Variants in NOL4 observed in about 807,000 individuals in gnomAD.
NOL4 encodes the protein nucleolar protein 4, also known as cancer/testis antigen 125.
Under a neutral mutation model 75.9 loss-of-function variants are expected in NOL4, and 17 were observed. The ratio of observed to expected loss-of-function variants is 0.22; its 90% confidence interval spans 0.15 to 0.34. NOL4 has a LOEUF of 0.34. NOL4 is among the 10% of genes least tolerant of loss of function. NOL4 has a pLI of 1.00. For synonymous variants in NOL4, 292 were observed against 289.9 expected (o/e 1.01, Z -0.07); for missense variants, 614 against 793.5 (o/e 0.77, Z 2.72).
intron 1 of NOL4, among the ~76,000 whole-genome samples, chr18:34,166,116 C>G (rs1264702922): frequency 1.3e-5 from 2 of 151,988 alleles, no homozygotes; most frequent in Non-Finnish European, 2.9e-5. Flanking sequence ...TTACAAGAAA[C>G]TGTAATATTT....
chr18:34,190,474 A>C (rs2034833218), intron 1 of NOL4, among the ~76,000 whole-genome samples: 1 of 151,982 alleles, frequency 6.6e-6, no homozygotes, highest in South Asian at 2.1e-4. Context: ...ATATATTCAA[A>C]ATTTATATGA....
intron 1 of NOL4, among the ~76,000 whole-genome samples, chr18:34,180,952 A>G (rs1568425683): frequency 6.6e-6 from 1 of 151,502 alleles, no homozygotes; most frequent in African/African-American, 2.4e-5. Flanking sequence ...ATACTCCAAG[A>G]TTATAGGTTG....
intron 1 of NOL4, among the ~76,000 whole-genome samples, chr18:34,134,235 A>C (rs12958413): frequency 0.24 from 36,474 of 151,926 alleles, 5,152 homozygotes; most frequent in East Asian, 0.44. Context: ...TATAAAATTA[A>C]AATTTCTTTA....
chr18:34,070,910 T>C (rs2077485644), intron 5 of NOL4, among the ~76,000 whole-genome samples: 1 of 152,058 alleles, frequency 6.6e-6, no homozygotes, highest in African/African-American at 2.4e-5. Flanking sequence ...ATAAAATCAA[T>C]AACACAAAGA....
chr18:34,051,515 C>A lies in NOL4; in HGVS notation c.773-31914G>T, dbSNP rs923794527. ...TATCTTTGACTGTGAATAACAATAA[C>A]ATCTCCTTTAGTTTTATAAGAGAAT... On this transcript the variant is annotated intron_variant, in intron 5 of 10. Transcript: ENST00000261592. Among the ~76,000 whole-genome samples, 2 of 152,048 alleles carry A rather than the reference C, an allele frequency of 1.3e-5. 1 individual carries two copies. Among genetic ancestry groups the A allele is most frequent in the East Asian group, 3.8e-4 (2 of 5,198 alleles).
At position 33,957,740 on chromosome 18, in the gene NOL4, C is replaced by T. The variant is rs571327289; in HGVS notation, c.1237-223G>A. On this transcript the variant is annotated intron_variant, in intron 7 of 10. Transcript: ENST00000261592. ...AAAGAGAGAAAGGCAGACAGACAGA[C>T]AAACATACAGAAAAGAATAGACTAT... Among the ~76,000 whole-genome samples, 37 of 152,140 alleles carry T rather than the reference C, an allele frequency of 2.4e-4. No individual in the cohort carries two copies. In the South Asian group the frequency reaches 7.5e-3, roughly 31 times the overall value.
At chr18:34,107,760 A>G (rs2145710788) in intron 2 of NOL4, among the ~76,000 whole-genome samples, 1 of 152,174 alleles carries the variant, frequency 6.6e-6, no homozygotes, top group South Asian at 2.1e-4. Flanking sequence ...TGGAATTTTC[A>G]GGAGTCACCA....
chr18:34,115,446 A>G (rs12959030), intron 2 of NOL4, among the ~76,000 whole-genome samples: 34,116 of 151,690 alleles, frequency 0.22, 4,078 homozygotes, highest in Middle Eastern at 0.28. Flanking sequence ...CTACAGACAC[A>G]ATCTACCATG....
At chr18:34,074,512 G>C (rs1240335735) in intron 5 of NOL4, among the ~76,000 whole-genome samples, 2 of 151,678 alleles carry the variant, frequency 1.3e-5, no homozygotes, top group Non-Finnish European at 2.9e-5. Flanking sequence ...AGTTTTTATA[G>C]TATCCATTTT....
rs1341059123 is a variant in NOL4 at position 34,132,385 on chromosome 18, CCATAGGAGCATA to C, written c.265-2377_265-2366del. Among the ~76,000 whole-genome samples, 3 of 152,152 alleles carry C rather than the reference CCATAGGAGCATA, an allele frequency of 2.0e-5. No homozygotes were observed. The East Asian group carries it at 5.8e-4, about 29-fold the overall frequency. On this transcript the variant is annotated intron_variant, in intron 1 of 10. Transcript: ENST00000261592. ...TAGAGCACAGGAGATACAAATTGTG[CCATAGGAGCATA>C]CATTTGAAAAGTTTCACAAGCATTT...
chr18:34,191,914 T>G (rs1685595051), intron 1 of NOL4, among the ~76,000 whole-genome samples: 1 of 152,162 alleles, frequency 6.6e-6, no homozygotes, highest in African/African-American at 2.4e-5. Flanking sequence ...TTCCTCTACC[T>G]ACCAACCTAT....
chr18:34,159,248 G>A (rs1180011433), intron 1 of NOL4, among the ~76,000 whole-genome samples: 2 of 152,210 alleles, frequency 1.3e-5, no homozygotes, highest in South Asian at 2.1e-4. Flanking sequence ...CGCTCCGCGA[G>A]GGGGAGCAGT....
chr18:33,909,470 A>G (rs966121554), intron 9 of NOL4, among the ~76,000 whole-genome samples: 1 of 152,172 alleles, frequency 6.6e-6, no homozygotes, highest in African/African-American at 2.4e-5. Context: ...ATTATATCCG[A>G]AACTGTGCAC....
chr18:33,922,715 T>C (rs1325743498), intron 9 of NOL4, among the ~76,000 whole-genome samples: 1 of 152,198 alleles, frequency 6.6e-6, no homozygotes, highest in African/African-American at 2.4e-5. Context: ...GAAACTAATA[T>C]AGTTTATGTT....
chr18:34,076,515 A>G (rs1850929773), intron 5 of NOL4, among the ~76,000 whole-genome samples: 1 of 152,166 alleles, frequency 6.6e-6, no homozygotes, highest in African/African-American at 2.4e-5. Context: ...GATGAAAATG[A>G]TATTCCTACT....
At chr18:33,928,110 C>A (rs893922995) in intron 9 of NOL4, among the ~76,000 whole-genome samples, 1 of 152,044 alleles carries the variant, frequency 6.6e-6, no homozygotes, top group African/African-American at 2.4e-5. Context: ...GTGGCATAAA[C>A]CAAATATGTC....
At chr18:34,070,299 G>A (rs541301462) in intron 5 of NOL4, among the ~76,000 whole-genome samples, 2 of 152,304 alleles carry the variant, frequency 1.3e-5, no homozygotes, top group East Asian at 1.9e-4. Flanking sequence ...GATTACAGGC[G>A]TGAGCCACCG....
chr18:34,071,541 T>G (rs1414420760), intron 5 of NOL4, among the ~76,000 whole-genome samples: 5 of 152,004 alleles, frequency 3.3e-5, no homozygotes, highest in Non-Finnish European at 4.4e-5. Flanking sequence ...GTGATGCAGA[T>G]TCAGCAGAAA....
intron 1 of NOL4, among the ~76,000 whole-genome samples, chr18:34,214,185 T>C (rs566359755): frequency 1.1e-3 from 171 of 152,248 alleles, no homozygotes; most frequent in Non-Finnish European, 2.1e-3. Context: ...TAGAATAAGG[T>C]ATTCAAATTG....
Sources: allele counts gnomAD v4.1 joint callset (sites outside exome capture counted in the v4.1 genomes callset), GRCh38; gene constraint gnomAD v4.1.1; transcripts MANE v1.5; gene names NCBI Gene and HGNC (gene_info 2026-07-23, HGNC 2026-07-21).